The following CLCN3 variants were observed in gnomAD, a reference collection of about 807,000 sequenced individuals.
CLCN3 encodes the protein H(+)/Cl(-) exchange transporter 3.
Under a neutral mutation model 83.4 loss-of-function variants are expected in CLCN3, and 16 were observed. The observed-to-expected ratio is 0.19, with a 90% CI of 0.13 to 0.29. CLCN3 has a LOEUF of 0.29. Among genes scored for constraint, CLCN3 ranks in the 10% least tolerant of loss-of-function variants. CLCN3 has a pLI of 1.00. For synonymous variants in CLCN3, 322 were observed against 346.2 expected (o/e 0.93, Z 0.78); for missense variants, 544 against 1,006.0 (o/e 0.54, Z 6.21).
intron 2 of CLCN3, among the ~76,000 whole-genome samples, chr4:169,651,545 C>T (rs1473815929): frequency 6.6e-6 from 1 of 152,148 alleles, no homozygotes; most frequent in African/African-American, 2.4e-5. Context: ...TTGCATATCA[C>T]CTACACACAT....
At position 169,635,978 on chromosome 4, in the gene CLCN3, A is replaced by G. The variant is rs757213816; in HGVS notation, c.50A>G (p.Asn17Ser). The G allele has an allele frequency of 1.5e-5, 24 of 1,613,218 alleles. No homozygotes were observed. Among genetic ancestry groups the G allele is most frequent in the Middle Eastern group, 1.7e-4 (1 of 6,056 alleles). ...AGAGGCTACTATAGAAACAGCTACA[A>G]CAGTATAACAAGTGCAAGTAGTGAT... Reference protein sequence around the residue: ...FHRGYYRNSYNSITSASSDEE... With the variant: ...FHRGYYRNSYSSITSASSDEE... The change falls in exon 2 of 13, where the codon AAC becomes AGC. Residue 17 changes from asparagine (N) to serine (S), a missense_variant. Transcript: ENST00000513761.
chr4:169,658,357 G>A (rs1322349505), intron 2 of CLCN3, among the ~76,000 whole-genome samples: 3 of 151,966 alleles, frequency 2.0e-5, no homozygotes, highest in Admixed American at 6.6e-5. Flanking sequence ...TCCCCCATCA[G>A]TGAGTGCTGA....
At chr4:169,694,510 C>T (rs762961988) in intron 7 of CLCN3, among the ~76,000 whole-genome samples, 1 of 152,140 alleles carries the variant, frequency 6.6e-6, no homozygotes, top group Non-Finnish European at 1.5e-5. Context: ...CTTTAGGTAG[C>T]TTTGGATATT....
chr4:169,678,983 G>C (rs1312494037), intron 2 of CLCN3, among the ~76,000 whole-genome samples: 1 of 152,068 alleles, frequency 6.6e-6, no homozygotes, highest in Non-Finnish European at 1.5e-5. Context: ...TCCCACACTG[G>C]GCGGCCGGGC....
chr4:169,716,466 A>C, intron 12 of CLCN3, among the ~76,000 whole-genome samples: 1 of 152,146 alleles, frequency 6.6e-6, no homozygotes. Context: ...AATTGCCAAG[A>C]TTTTCACATT....
chr4:169,673,382 A>G (rs1731552223), intron 2 of CLCN3, among the ~76,000 whole-genome samples: 1 of 152,194 alleles, frequency 6.6e-6, no homozygotes, highest in Non-Finnish European at 1.5e-5. Context: ...GCACTACTGT[A>G]CCTTTTTCTA....
At chr4:169,711,074 G>C (rs1009280007) in intron 11 of CLCN3, among the ~76,000 whole-genome samples, 1 of 152,148 alleles carries the variant, frequency 6.6e-6, no homozygotes, top group Non-Finnish European at 1.5e-5. Flanking sequence ...TGCAGTTTTA[G>C]AGCGTTATGA....
chr4:169,631,939 A>G (rs1444914096), intron 1 of CLCN3, among the ~76,000 whole-genome samples: 1 of 151,876 alleles, frequency 6.6e-6, no homozygotes, highest in East Asian at 1.9e-4. Context: ...AAATCTACCA[A>G]CCAGAAAAGC....
chr4:169,660,568 C>G (rs1731021091), intron 2 of CLCN3: 1 of 596,414 alleles, frequency 1.7e-6, no homozygotes, highest in Non-Finnish European at 2.5e-6. Context: ...TGTTTAGTTG[C>G]CCTGGGTTGT....
intron 2 of CLCN3, 116 bp from the exon 3 acceptor site, chr4:169,679,934 G>A (rs1399328358): frequency 1.1e-5 from 9 of 797,744 alleles, no homozygotes; most frequent in African/African-American, 1.7e-5. Context: ...AGGTGGAGAC[G>A]AGGGAGAGGG....
At chr4:169,638,988 A>C (rs4235025) in intron 2 of CLCN3, among the ~76,000 whole-genome samples, 147,751 of 152,292 alleles carry the variant, frequency 0.97, 71,815 homozygotes, top group East Asian at 1. Context: ...CCAATTAGCA[A>C]GTATAAAGTT....
rs192493541 is a variant in CLCN3 at position 169,655,192 on chromosome 4, T to C, written c.160+19104T>C. 2.4e-4 allele frequency among the ~76,000 whole-genome samples: 36 copies of C among 152,342 alleles called. No homozygotes were observed. In the East Asian group the frequency reaches 6.7e-3, roughly 29 times the overall value. Reference sequence around the variant, plus strand: ...TTTTATCCTCTTTACTTTCAGTCTTTCTGCATCTGTTTGTTTTGTTGAAAC... The same window carrying C: ...TTTTATCCTCTTTACTTTCAGTCTTCCTGCATCTGTTTGTTTTGTTGAAAC... On this transcript the variant is annotated intron_variant, in intron 2 of 12. Coordinates refer to ENST00000513761, the MANE Select transcript of CLCN3 (RefSeq NM_001829.4).
Position 169,721,284 on chromosome 4 carries a change from C to G in CLCN3, c.*1287C>G, listed in dbSNP as rs981984755. ...ATTTTTATAGAATAATTCAGACTTACAAATACAGAGATATGAACAAAGTTT... is the reference window on the plus strand; with the variant it reads ...ATTTTTATAGAATAATTCAGACTTAGAAATACAGAGATATGAACAAAGTTT... On this transcript the variant is annotated 3_prime_UTR_variant, in exon 13 of 13. Transcript: ENST00000513761. 3.3e-5 allele frequency: 5 copies of G among 151,940 alleles called. No individual in the cohort carries two copies. Among genetic ancestry groups the G allele is most frequent in the Non-Finnish European group, 7.4e-5 (5 of 68,012 alleles). The allele number at this position is 151,940 out of a possible 1,614,324, so 9.4% of individuals were successfully genotyped here.
At chr4:169,709,553 C>T (rs796710657) in intron 11 of CLCN3, among the ~76,000 whole-genome samples, 2 of 151,874 alleles carry the variant, frequency 1.3e-5, no homozygotes, top group African/African-American at 4.8e-5. Context: ...GGTGTGGTGA[C>T]GCATGCCTAT....
intron 9 of CLCN3, among the ~76,000 whole-genome samples, chr4:169,702,503 T>C (rs1732828284): frequency 6.6e-6 from 1 of 152,106 alleles, no homozygotes; most frequent in African/African-American, 2.4e-5. Context: ...TAGTAAACCA[T>C]GCTGTAAACA....
At chr4:169,682,048 T>G (rs1013728031) in intron 3 of CLCN3, among the ~76,000 whole-genome samples, 4 of 152,246 alleles carry the variant, frequency 2.6e-5, no homozygotes, top group Non-Finnish European at 5.9e-5. Context: ...GTTGTTAGTT[T>G]CTTAAAGATT....
At chr4:169,686,499 C>T (rs1157553193) in intron 3 of CLCN3, among the ~76,000 whole-genome samples, 1 of 151,862 alleles carries the variant, frequency 6.6e-6, no homozygotes, top group East Asian at 1.9e-4. Context: ...TCACTGCCAC[C>T]TCCGCCTCCC....
intron 2 of CLCN3, among the ~76,000 whole-genome samples, chr4:169,643,585 T>C (rs1037338651): frequency 6.6e-6 from 1 of 151,784 alleles, no homozygotes; most frequent in Non-Finnish European, 1.5e-5. Context: ...CAGGCTGGGG[T>C]GCAGTGGCAT....
In CLCN3 at chr4:169,641,677, A is replaced by C. The variant is rs566895267; in HGVS notation, c.160+5589A>C. On this transcript the variant is annotated intron_variant, in intron 2 of 12. Transcript: ENST00000513761. ...GACGTTTCAAAAGAAGAAGCTTGGC[A>C]AAGTAGATGCAGAGTGATAATGCCA... is the stretch of plus-strand genomic sequence containing the variant. 7.2e-5 allele frequency among the ~76,000 whole-genome samples: 11 copies of C among 152,320 alleles called. No homozygotes were observed. The East Asian group carries it at 2.1e-3, about 29-fold the overall frequency.
Sources: gnomAD v4.1 joint callset for allele counts (sites outside exome capture counted in the v4.1 genomes callset) on GRCh38, gnomAD v4.1.1 for gene constraint, MANE v1.5 for transcripts, NCBI Gene and HGNC (gene_info 2026-07-23, HGNC 2026-07-21) for gene names.